The following UTP6 variants were observed in gnomAD, a reference collection of about 807,000 sequenced individuals.
UTP6 encodes the protein U3 small nucleolar RNA-associated protein 6 homolog.
A neutral mutation model predicts 96.5 loss-of-function variants in UTP6; 60 were observed. That is an observed-to-expected ratio of 0.62 (90% CI 0.51 to 0.77). UTP6 has a LOEUF of 0.77. UTP6 is among the 30% of genes least tolerant of loss of function. The pLI, the probability that UTP6 is intolerant of heterozygous loss-of-function variation, is 0.00. For missense variants in UTP6, 637 were observed against 706.5 expected (o/e 0.90, Z 1.12); for synonymous variants, 215 against 240.1 (o/e 0.90, Z 0.96).
chr17:31,869,334 T>C (rs943429842), intron 16 of UTP6, among the ~76,000 whole-genome samples: 1 of 151,334 alleles, frequency 6.6e-6, no homozygotes, highest in East Asian at 2.0e-4. Context: ...TCTGGCTAAT[T>C]GCTTTTCATT....
chr17:31,876,570 G>C (rs1267748426), intron 13 of UTP6, among the ~76,000 whole-genome samples: 2 of 151,830 alleles, frequency 1.3e-5, no homozygotes, highest in Non-Finnish European at 2.9e-5. Context: ...CTTGAACCCA[G>C]GAGGCGGAGG....
At chr17:31,885,868 C>A in intron 9 of UTP6, 112 bp downstream of exon 9, 1 of 862,064 alleles carries the variant, frequency 1.2e-6, no homozygotes, top group Non-Finnish European at 1.8e-6. Context: ...GACACTATTC[C>A]TACAGAGTTT....
At chr17:31,884,132 G>A (rs1465547183) in intron 10 of UTP6, among the ~76,000 whole-genome samples, 1 of 151,134 alleles carries the variant, frequency 6.6e-6, no homozygotes, top group Non-Finnish European at 1.5e-5. Flanking sequence ...CCAAGTAGCT[G>A]GGATTACAGG....
At chr17:31,886,323 A>G (rs1911141865) in intron 8 of UTP6, among the ~76,000 whole-genome samples, 1 of 152,222 alleles carries the variant, frequency 6.6e-6, no homozygotes, top group South Asian at 2.1e-4. Flanking sequence ...AAAACAGGTC[A>G]GATTTTACAT....
chr17:31,875,707 CA>C (rs1405474797), intron 13 of UTP6, among the ~76,000 whole-genome samples: 4 of 151,634 alleles, frequency 2.6e-5, no homozygotes, highest in Non-Finnish European at 5.9e-5. Flanking sequence ...TCTGTAATCC[CA>C]GCTACTCGGA....
intron 13 of UTP6, among the ~76,000 whole-genome samples, chr17:31,877,164 T>C (rs1910545780): frequency 6.6e-6 from 1 of 151,842 alleles, no homozygotes. Context: ...GTAGCAAGAG[T>C]CATGAAAGTG....
At chr17:31,886,441 A>G (rs530412921) in intron 8 of UTP6, 1 of 157,996 alleles carries the variant, frequency 6.3e-6, no homozygotes, top group Admixed American at 6.3e-5. Context: ...AGGCAGGCGG[A>G]TCACTTGAGA....
At chr17:31,891,876 AG>A (rs1390083791) in intron 6 of UTP6, among the ~76,000 whole-genome samples, 1 of 152,194 alleles carries the variant, frequency 6.6e-6, no homozygotes, top group African/African-American at 2.4e-5. Flanking sequence ...TACAAAAATT[AG>A]CTGGGCGTGG....
chr17:31,876,127 C>G (rs964767299), intron 13 of UTP6, among the ~76,000 whole-genome samples: 2 of 151,790 alleles, frequency 1.3e-5, no homozygotes, highest in African/African-American at 4.8e-5. Context: ...ACCTCCAACT[C>G]CTGGGTTCAA....
At chr17:31,899,787 T>C in intron 1 of UTP6, 57 bp from the exon 2 acceptor site, 1 of 1,246,682 alleles carries the variant, frequency 8.0e-7, no homozygotes, top group Non-Finnish European at 1.1e-6. Flanking sequence ...AACGTTTAAG[T>C]TTATTTTGAA....
rs1044891494 is a variant in UTP6, at chr17:31,863,244, C to T, written c.*115G>A. 2 of 1,093,734 alleles carry T rather than the reference C, an allele frequency of 1.8e-6. No individual in the cohort carries two copies. Among genetic ancestry groups the T allele is most frequent in the African/African-American group, 3.2e-5 (2 of 62,788 alleles). The allele number at this position is 1,093,734 out of a possible 1,614,324, so 67.8% of individuals were successfully genotyped here. ...CATAAAATTAAAGTGTGTCTCAAAA[C>T]CAGACAGCCATCTTGTCTGCCATCA... is the stretch of plus-strand genomic sequence containing the variant. On this transcript the variant is annotated 3_prime_UTR_variant, in exon 19 of 19. Transcript: ENST00000261708.
intron 2 of UTP6, among the ~76,000 whole-genome samples, chr17:31,896,234 T>C (rs539477632): frequency 9.9e-5 from 15 of 151,842 alleles, no homozygotes; most frequent in Non-Finnish European, 1.9e-4. Context: ...CGTGCTACCG[T>C]GCCTGGCTAA....
At chr17:31,866,706 G>C (rs1441546577) in intron 17 of UTP6, 1 of 111,386 alleles carries the variant, frequency 9.0e-6, no homozygotes, top group African/African-American at 3.7e-5. Context: ...GCGACAGAGA[G>C]AGACTCCGTC....
At chr17:31,879,149 G>A (rs113711173) in intron 11 of UTP6, among the ~76,000 whole-genome samples, 18 of 152,126 alleles carry the variant, frequency 1.2e-4, no homozygotes, top group African/African-American at 4.1e-4. Flanking sequence ...CATCACTTTG[G>A]GAGGCTGAGG....
chr17:31,877,012 C>A (rs939799535), intron 13 of UTP6, among the ~76,000 whole-genome samples: 1 of 151,786 alleles, frequency 6.6e-6, no homozygotes, highest in African/African-American at 2.4e-5. Context: ...ACTCTGTCTC[C>A]AAAAAAATTT....
chr17:31,884,611 A>T, intron 9 of UTP6, 106 bp from the exon 10 acceptor site: 1 of 860,486 alleles, frequency 1.2e-6, no homozygotes, highest in Non-Finnish European at 1.8e-6. Flanking sequence ...TTGTTTTTTG[A>T]AATGAGAAAT....
At chr17:31,878,569 C>G (rs1438343341) in intron 12 of UTP6, 133 bp downstream of exon 12, 8 of 917,554 alleles carry the variant, frequency 8.7e-6, no homozygotes, top group Non-Finnish European at 1.3e-5. Context: ...GTCACGTCAC[C>G]CACAAGGAGA....
chr17:31,898,731 G>A (rs1303075156), intron 2 of UTP6, among the ~76,000 whole-genome samples: 1 of 150,124 alleles, frequency 6.7e-6, no homozygotes, highest in Non-Finnish European at 1.5e-5. Flanking sequence ...ATCAATTTGT[G>A]AAGGGATTAA....
At chr17:31,887,072 A>G (rs1032640172) in intron 8 of UTP6, among the ~76,000 whole-genome samples, 164 bp downstream of exon 8, 4 of 152,270 alleles carry the variant, frequency 2.6e-5, no homozygotes, top group South Asian at 4.1e-4. Context: ...GCAGTGAGCC[A>G]AGATGGTGCC....
Sources: gnomAD v4.1 joint callset for allele counts (sites outside exome capture counted in the v4.1 genomes callset) on GRCh38, gnomAD v4.1.1 for gene constraint, MANE v1.5 for transcripts, NCBI Gene and HGNC (gene_info 2026-07-23, HGNC 2026-07-21) for gene names.